AFF3: variants seen among roughly 807,000 people sequenced by gnomAD.
AFF3 encodes the protein AF4/FMR2 family member 3.
AFF3 carries 32 observed loss-of-function variants against 129.7 expected under a neutral mutation model. The observed-to-expected ratio is 0.25, with a 90% CI of 0.19 to 0.33. AFF3 has a LOEUF of 0.33. Among genes scored for constraint, AFF3 ranks in the 10% least tolerant of loss-of-function variants. AFF3 has a pLI of 1.00. For synonymous variants in AFF3, 644 were observed against 635.4 expected (o/e 1.01, Z -0.20); for missense variants, 1,373 against 1,592.0 (o/e 0.86, Z 2.34).
At chr2:99,757,446 AATAAT>A (rs1682207298) in intron 8 of AFF3, among the ~76,000 whole-genome samples, 1 of 152,154 alleles carries the variant, frequency 6.6e-6, no homozygotes, top group Admixed American at 6.5e-5. Context: ...CCTCTCTCAT[AATAAT>A]AACAATAATT....
chr2:99,594,634 T>C (rs1679108116), intron 14 of AFF3, among the ~76,000 whole-genome samples: 1 of 152,198 alleles, frequency 6.6e-6, no homozygotes, highest in African/African-American at 2.4e-5. Flanking sequence ...ATATGTAAAC[T>C]TGAAATTCCC....
chr2:100,048,168 A>G (rs966642040), intron 4 of AFF3, among the ~76,000 whole-genome samples: 1 of 152,244 alleles, frequency 6.6e-6, no homozygotes, highest in African/African-American at 2.4e-5. Flanking sequence ...TTACAATGTA[A>G]CAAAGATAAT....
chr2:99,798,005 A>G (rs1012639596), intron 8 of AFF3, among the ~76,000 whole-genome samples: 1 of 152,142 alleles, frequency 6.6e-6, no homozygotes, highest in African/African-American at 2.4e-5. Flanking sequence ...TCTATTAAAC[A>G]TATTTTATAA....
chr2:99,743,625 C>T (rs759955853), intron 10 of AFF3, among the ~76,000 whole-genome samples: 5 of 152,116 alleles, frequency 3.3e-5, no homozygotes, highest in Non-Finnish European at 5.9e-5. Context: ...AATAAGGAAA[C>T]TGCTTCTTAG....
intron 13 of AFF3, among the ~76,000 whole-genome samples, chr2:99,622,490 T>G (rs953425328): frequency 6.6e-5 from 10 of 152,164 alleles, no homozygotes; most frequent in African/African-American, 2.2e-4. Context: ...GAAGGGGGAA[T>G]GAAATAAACT....
chr2:100,048,408 A>C (rs145162642), intron 4 of AFF3, among the ~76,000 whole-genome samples: 1 of 152,324 alleles, frequency 6.6e-6, no homozygotes, highest in African/African-American at 2.4e-5. Context: ...GTGACTCTGA[A>C]ATTTGCTTAA....
At chr2:99,727,280 G>A in intron 10 of AFF3, 152 bp from the exon 11 acceptor site, 1 of 811,740 alleles carries the variant, frequency 1.2e-6, no homozygotes, top group Non-Finnish European at 1.9e-6. Context: ...CTGAGAACCG[G>A]ATTTGCAAAA....
chr2:99,990,062 T>C (rs979493894), intron 7 of AFF3, among the ~76,000 whole-genome samples: 1 of 152,164 alleles, frequency 6.6e-6, no homozygotes, highest in East Asian at 1.9e-4. Context: ...ACAATGATCT[T>C]ATCAGCTCAC....
intron 7 of AFF3, among the ~76,000 whole-genome samples, chr2:100,004,228 A>T (rs1681728972): frequency 6.6e-6 from 1 of 152,158 alleles, no homozygotes; most frequent in Non-Finnish European, 1.5e-5. Context: ...AAATTTCCCT[A>T]AAAAACCCTT....
At chr2:100,009,842 G>A (rs1211720305) in intron 4 of AFF3, among the ~76,000 whole-genome samples, 4 of 152,144 alleles carry the variant, frequency 2.6e-5, no homozygotes, top group Non-Finnish European at 4.4e-5. Flanking sequence ...TCTGGCCTCC[G>A]TGTAGACAAC....
chr2:99,715,600 C>T (rs1678299660), intron 11 of AFF3, among the ~76,000 whole-genome samples: 1 of 151,904 alleles, frequency 6.6e-6, no homozygotes, highest in Non-Finnish European at 1.5e-5. Context: ...CCTTCTGCCT[C>T]ATTTTGTTTA....
intron 4 of AFF3, among the ~76,000 whole-genome samples, chr2:100,045,132 G>C (rs1685730003): frequency 6.6e-6 from 1 of 152,112 alleles, no homozygotes; most frequent in South Asian, 2.1e-4. Context: ...GAAGGGGAGG[G>C]GGACTGGCCA....
rs1288348530 is a variant in AFF3, at chr2:99,551,584, C to T, written c.3571G>A (p.Asp1191Asn). Residue 1191 changes from aspartate (D) to asparagine (N), a missense_variant, in exon 25 of 25, where the codon GAC (aspartate) becomes AAC (asparagine). By Grantham distance (23) the Asp-to-Asn change is conservative. Around this residue, in one of 9 missense-constraint regions of AFF3, gnomAD observed 165 missense variants for 234.0 expected, o/e 0.71. Transcript: ENST00000672756. ...LAKENREFFN[D>N]LDLLMGPVTL... is the part of the protein sequence containing the mutation. ...ACCGGCCCCATGAGCAGATCCAGGT[C>T]GTTGAAGAATTCTAGGGGGACAGAA... 6.2e-7 allele frequency: 1 copy of T among 1,614,026 alleles called. No individual in the cohort carries two copies. The highest frequency in any genetic ancestry group is 8.5e-7 in the Non-Finnish European group (1 of 1,179,996).
At chr2:100,068,135 C>T (rs969489562) in intron 4 of AFF3, among the ~76,000 whole-genome samples, 4 of 152,200 alleles carry the variant, frequency 2.6e-5, no homozygotes, top group Admixed American at 2.6e-4. Flanking sequence ...GACGCCAGCT[C>T]GCTTCGGCAC....
At chr2:100,013,706 A>G (rs1317541666) in intron 4 of AFF3, among the ~76,000 whole-genome samples, 1 of 152,188 alleles carries the variant, frequency 6.6e-6, no homozygotes, top group African/African-American at 2.4e-5. Context: ...AGAGAGAACC[A>G]TAAGGAGAAT....
chr2:99,789,947 T>C (rs973493928), intron 8 of AFF3, among the ~76,000 whole-genome samples: 6 of 152,214 alleles, frequency 3.9e-5, no homozygotes, highest in African/African-American at 1.4e-4. Flanking sequence ...CAGTGAAAAT[T>C]ACACATGCAT....
In AFF3 at chr2:99,593,612, G is replaced by A. The variant is rs1047281; in HGVS notation, c.2049C>T (p.Ser683=). ...TGGACAGAGGGTACTCCTCCTGCTC[G>A]GACTCCAGGTCGGAGTCCGAGGAGG... ...SSSSSDSDLE[S]EQEEYPLSKA... The change falls in exon 15 of 25, where the codon TCC becomes TCT. Residue 683 remains serine, a synonymous_variant. Coordinates refer to ENST00000672756, the MANE Select transcript of AFF3 (RefSeq NM_001386135.1). The A allele has an allele frequency of 9.3e-6, 15 of 1,610,976 alleles. 1 individual carries two copies. The highest frequency in any genetic ancestry group is 1.1e-5 in the Non-Finnish European group (13 of 1,178,458).
intron 24 of AFF3, among the ~76,000 whole-genome samples, chr2:99,552,284 G>A (rs959323211): frequency 2.4e-4 from 36 of 152,276 alleles, no homozygotes; most frequent in Non-Finnish European, 3.4e-4. Context: ...CAGCTACTCC[G>A]GAGGCTGAGG....
intron 7 of AFF3, among the ~76,000 whole-genome samples, chr2:99,880,914 C>T (rs1394528968): frequency 6.6e-6 from 1 of 152,218 alleles, no homozygotes; most frequent in Non-Finnish European, 1.5e-5. Flanking sequence ...AATTCCCCTT[C>T]TGTCTACCCC....
Sources: gnomAD v4.1 joint callset for allele counts (sites outside exome capture counted in the v4.1 genomes callset) on GRCh38, gnomAD v4.1.1 for gene constraint, gnomAD v4.1.1 regional missense constraint, MANE v1.5 for transcripts, NCBI Gene and HGNC (gene_info 2026-07-23, HGNC 2026-07-21) for gene names.